Variants in CREM observed in about 807,000 individuals in gnomAD.
The protein encoded by CREM is cAMP responsive element modulator.
A neutral mutation model predicts 37.3 loss-of-function variants in CREM; 13 were observed. The ratio of observed to expected loss-of-function variants is 0.35; its 90% CI spans 0.23 to 0.55. The LOEUF (loss-of-function observed/expected upper bound fraction) is 0.55, where lower values mean the gene tolerates loss of function less well. Among genes scored for constraint, CREM ranks in the 20% least tolerant of loss-of-function variants. The pLI is 0.88. For synonymous variants in CREM, 124 were observed against 120.2 expected, an observed-to-expected ratio of 1.03 and a Z score of -0.21; for missense variants, 296 against 362.3, an observed-to-expected ratio of 0.82 and a Z score of 1.49.
At chr10:35,205,681 G>A (rs559083822) in intron 6 of CREM, among the ~76,000 whole-genome samples, 3 of 152,190 alleles carry the variant, frequency 2.0e-5, no homozygotes, top group South Asian at 2.1e-4. Flanking sequence ...TTTTCAGGCC[G>A]GGCGTGGTGG....
chr10:35,204,542 G>C (rs2095472827), intron 6 of CREM, among the ~76,000 whole-genome samples: 1 of 145,296 alleles, frequency 6.9e-6, no homozygotes, highest in Non-Finnish European at 1.5e-5. Flanking sequence ...GAAGGTTGCA[G>C]TAAGCCAAGA....
At chr10:35,201,362 C>T (rs2095377936) in intron 6 of CREM, 3 of 1,410,458 alleles carry the variant, frequency 2.1e-6, no homozygotes, top group Non-Finnish European at 2.9e-6. Context: ...GAGTGCCTGC[C>T]ATGTGCCAGG....
intron 3 of CREM, among the ~76,000 whole-genome samples, chr10:35,174,778 T>A (rs962756002): frequency 2.6e-5 from 4 of 152,210 alleles, no homozygotes; most frequent in African/African-American, 9.6e-5. Context: ...TTAGAAAACC[T>A]GGCAGGTTTT....
Position 35,148,445 on chromosome 10 carries a change from A to G in CREM, c.122A>G (p.His41Arg), listed in dbSNP as rs1487451345. Residue 41 changes from histidine (H) to arginine (R), a missense_variant, in exon 3 of 8, where the codon CAT becomes CGT. Transcript: ENST00000685392. ...TASLTESKSAHVQTQTGQNSI... is the reference protein window; with the variant it reads ...TASLTESKSARVQTQTGQNSI... The stretch of plus-strand genomic sequence containing the variant: ...TCTTTGACAGAGAGCAAGTCTGCTC[A>G]TGTGCAGACTCAGACTGGCCAAAAT... The G allele has an allele frequency of 1.2e-6, 2 of 1,613,730 alleles. No individual in the cohort carries two copies. The highest frequency in any genetic ancestry group is 2.7e-5 in the African/African-American group (2 of 74,922).
At chr10:35,176,125 G>T in intron 3 of CREM, 2 of 1,330,986 alleles carry the variant, frequency 1.5e-6, no homozygotes, top group Non-Finnish European at 2.0e-6. Context: ...TAGATATTTG[G>T]AGGAATCTCT....
intron 5 of CREM, 154 bp downstream of exon 5, chr10:35,179,430 G>T: frequency 1.1e-6 from 1 of 897,896 alleles, no homozygotes; most frequent in Non-Finnish European, 1.5e-6. Flanking sequence ...ATGTTAAAAA[G>T]TGAGATCTTT....
chr10:35,135,156 A>G (rs1392858489), intron 1 of CREM, among the ~76,000 whole-genome samples: 1 of 152,176 alleles, frequency 6.6e-6, no homozygotes, highest in Non-Finnish European at 1.5e-5. Context: ...CATACCTAAT[A>G]AAGTTTTTAT....
chr10:35,138,467 G>A (rs10827491), intron 2 of CREM, among the ~76,000 whole-genome samples: 51,294 of 151,488 alleles, frequency 0.34, 8,714 homozygotes, highest in South Asian at 0.35. Flanking sequence ...TTCAAGGGTA[G>A]TGCACTTCCT....
chr10:35,167,366 C>A, intron 3 of CREM: 1 of 199,112 alleles, frequency 5.0e-6, no homozygotes, highest in Middle Eastern at 1.8e-3. Flanking sequence ...TTATTGTAGT[C>A]CTTAAACTAG....
chr10:35,142,757 C>G lies in CREM; in HGVS notation c.44+4878C>G, dbSNP rs561967272. Among the ~76,000 whole-genome samples the G allele has an allele frequency of 5.3e-5, 8 of 152,258 alleles. No individual in the cohort carries two copies. The East Asian group carries it at 1.4e-3, about 26-fold the overall frequency. On this transcript the variant is annotated intron_variant, in intron 2 of 7. Transcript: ENST00000685392. The stretch of plus-strand genomic sequence containing the variant: ...AGTAGCTGGGACTACAGGTGCCCAT[C>G]ACTACGCCCAGCTAACTTTTTTGTT...
intron 3 of CREM, chr10:35,167,790 A>T: frequency 6.2e-7 from 1 of 1,613,912 alleles, no homozygotes; most frequent in Middle Eastern, 1.6e-4. Context: ...TCTTCAGGGG[A>T]TGTGGAAGAA....
chr10:35,209,940 T>C lies in CREM; in HGVS notation c.756-1314T>C, dbSNP rs956009190. ...TTGTATGTTCACAGGGTGAGTCCATTGTTCCTGGCTAGGAAGCAGGGGTTG... is the reference window on the plus strand; with the variant it reads ...TTGTATGTTCACAGGGTGAGTCCATCGTTCCTGGCTAGGAAGCAGGGGTTG... On this transcript the variant is annotated intron_variant, in intron 7 of 7. Coordinates refer to ENST00000685392, the MANE Select transcript of CREM (RefSeq NM_183011.2). 2.6e-5 allele frequency among the ~76,000 whole-genome samples: 4 copies of C among 152,330 alleles called. No individual in the cohort carries two copies. In the East Asian group the frequency reaches 5.8e-4, roughly 22 times the overall value.
In CREM at chr10:35,153,153, TGGATTGCTTGAGCCCA is replaced by T. The variant is rs552538640; in HGVS notation, c.168+4666_168+4681del. Among the ~76,000 whole-genome samples the T allele has an allele frequency of 2.7e-3, 414 of 152,104 alleles. 5 individuals carry two copies. The Middle Eastern group carries it at 0.041, about 15-fold the overall frequency. Reference sequence around the variant, plus strand: ...CAGCTACTTGGGAGACTGAGACCAGTGGATTGCTTGAGCCCAGGAGCTCAAGGCTGTAGTGCACTGT... The same window carrying T: ...CAGCTACTTGGGAGACTGAGACCAGTGGAGCTCAAGGCTGTAGTGCACTGT... On this transcript the variant is annotated intron_variant, in intron 3 of 7. Transcript: ENST00000685392.
At chr10:35,197,553 C>T (rs1686149061) in intron 6 of CREM, among the ~76,000 whole-genome samples, 2 of 151,912 alleles carry the variant, frequency 1.3e-5, no homozygotes, top group Admixed American at 1.3e-4. Flanking sequence ...CCCGGGTTCA[C>T]GCCATTCTCC....
chr10:35,132,394 A>G (rs571338668), intron 1 of CREM, among the ~76,000 whole-genome samples: 1 of 152,260 alleles, frequency 6.6e-6, no homozygotes, highest in African/African-American at 2.4e-5. Flanking sequence ...AATGAATTGA[A>G]AAAGAGACAC....
At chr10:35,161,261 C>T (rs759360496) in intron 3 of CREM, among the ~76,000 whole-genome samples, 1 of 151,790 alleles carries the variant, frequency 6.6e-6, no homozygotes, top group Non-Finnish European at 1.5e-5. Flanking sequence ...CTCAGCCTCC[C>T]GAGTATGGGA....
At chr10:35,210,806 A>T (rs1266573254) in intron 7 of CREM, 3 of 152,802 alleles carry the variant, frequency 2.0e-5, no homozygotes, top group African/African-American at 4.8e-5. Flanking sequence ...TCCAGTGTTG[A>T]TATTTAAGGT....
At chr10:35,134,132 C>T (rs1167072397) in intron 1 of CREM, among the ~76,000 whole-genome samples, 2 of 150,996 alleles carry the variant, frequency 1.3e-5, no homozygotes, top group Non-Finnish European at 2.9e-5. Flanking sequence ...CTGCAATTTC[C>T]GCCTCCTGAG....
intron 5 of CREM, among the ~76,000 whole-genome samples, chr10:35,185,940 C>G (rs970312305): frequency 6.6e-6 from 1 of 152,218 alleles, no homozygotes; most frequent in African/African-American, 2.4e-5. Flanking sequence ...TGTTGTTACT[C>G]TTTCCATAAT....
Sources: gnomAD v4.1 joint callset for allele counts (sites outside exome capture counted in the v4.1 genomes callset) on GRCh38, gnomAD v4.1.1 for gene constraint, MANE v1.5 for transcripts, NCBI Gene and HGNC (gene_info 2026-07-23, HGNC 2026-07-21) for gene names.